The following NFATC3 variants were observed in gnomAD, a reference collection of about 807,000 sequenced individuals.
NFATC3 encodes nuclear factor of activated T cells 3.
Under a neutral mutation model 98.6 loss-of-function variants are expected in NFATC3, and 46 were observed. The ratio of observed to expected loss-of-function variants is 0.47; its 90% CI spans 0.37 to 0.60. The LOEUF (loss-of-function observed/expected upper bound fraction) is 0.60, where lower values mean the gene tolerates loss of function less well. NFATC3 is among the 20% of genes least tolerant of loss of function. The probability of loss-of-function intolerance (pLI) is 0.00; values close to 1 mark genes in which losing one functional copy is unlikely to be tolerated. For missense variants in NFATC3, 1,256 were observed against 1,295.5 expected (o/e 0.97, Z 0.47); for synonymous variants, 512 against 472.2 (o/e 1.08, Z -1.09).
chr16:68,169,271 TATTA>T (rs895952667), intron 5 of NFATC3, among the ~76,000 whole-genome samples: 6 of 152,180 alleles, frequency 3.9e-5, no homozygotes, highest in Non-Finnish European at 7.3e-5. Context: ...AAAGTAAAGT[TATTA>T]ATTCATTTAT....
chr16:68,220,570 T>G (rs892823898), intron 9 of NFATC3, among the ~76,000 whole-genome samples: 1 of 151,488 alleles, frequency 6.6e-6, no homozygotes, highest in South Asian at 2.1e-4. Flanking sequence ...CCTCACATAC[T>G]TAGTGGACTA....
chr16:68,129,938 A>G (rs970751533), intron 3 of NFATC3, among the ~76,000 whole-genome samples: 1 of 151,914 alleles, frequency 6.6e-6, no homozygotes, highest in African/African-American at 2.4e-5. Context: ...TTGGCCTCCC[A>G]AAGTACTGGG....
intron 9 of NFATC3, among the ~76,000 whole-genome samples, chr16:68,213,144 A>T (rs1483478783): frequency 6.7e-6 from 1 of 149,064 alleles, no homozygotes; most frequent in African/African-American, 2.5e-5. Context: ...GGCCGGGTGC[A>T]GTGGCTCACG....
At chr16:68,110,821 T>G (rs1311945383) in intron 1 of NFATC3, among the ~76,000 whole-genome samples, 1 of 152,166 alleles carries the variant, frequency 6.6e-6, no homozygotes, top group African/African-American at 2.4e-5. Context: ...TAACACTGCT[T>G]TAGCTATATC....
At chr16:68,173,909 G>T (rs2151611588) in intron 5 of NFATC3, among the ~76,000 whole-genome samples, 1 of 152,258 alleles carries the variant, frequency 6.6e-6, no homozygotes, top group Non-Finnish European at 1.5e-5. Context: ...AGCACTTTGG[G>T]AGGCCAAGGC....
chr16:68,101,614 G>T (rs2035366524), intron 1 of NFATC3, among the ~76,000 whole-genome samples: 5 of 151,844 alleles, frequency 3.3e-5, no homozygotes, highest in Admixed American at 3.3e-4. Flanking sequence ...CTCCCAAGTA[G>T]CTGGGACTAC....
intron 9 of NFATC3, among the ~76,000 whole-genome samples, chr16:68,198,618 A>G (rs1460876545): frequency 1.3e-5 from 2 of 152,156 alleles, no homozygotes; most frequent in Non-Finnish European, 2.9e-5. Context: ...TCTTAAGATT[A>G]TAGATTCTGG....
chr16:68,112,223 T>G (rs1281836446), intron 1 of NFATC3, among the ~76,000 whole-genome samples: 2 of 151,218 alleles, frequency 1.3e-5, no homozygotes, highest in African/African-American at 4.9e-5. Flanking sequence ...CCGACTTGGA[T>G]GCGATCTCCC....
chr16:68,149,113 T>C (rs1328269218), intron 3 of NFATC3, among the ~76,000 whole-genome samples: 1 of 152,146 alleles, frequency 6.6e-6, no homozygotes, highest in Non-Finnish European at 1.5e-5. Flanking sequence ...CTGGTGATTC[T>C]ATAGAGAGAA....
At chr16:68,180,659 C>T (rs2151624802) in intron 6 of NFATC3, among the ~76,000 whole-genome samples, 1 of 152,228 alleles carries the variant, frequency 6.6e-6, no homozygotes, top group East Asian at 1.9e-4. Flanking sequence ...CTTTCCCCCA[C>T]CCCACGACAG....
chr16:68,105,125 T>G (rs1273955033), intron 1 of NFATC3, among the ~76,000 whole-genome samples: 8 of 148,640 alleles, frequency 5.4e-5, no homozygotes, highest in Non-Finnish European at 1.2e-4. Flanking sequence ...GAGTCTCACT[T>G]TGTCACCCAG....
At chr16:68,110,515 C>T (rs1459236290) in intron 1 of NFATC3, among the ~76,000 whole-genome samples, 9 of 151,356 alleles carry the variant, frequency 5.9e-5, no homozygotes, top group East Asian at 3.9e-4. Context: ...GGGGTTTCAT[C>T]GTGTTAGCCA....
chr16:68,086,182 T>G (rs1308529157), intron 1 of NFATC3, among the ~76,000 whole-genome samples: 1 of 152,200 alleles, frequency 6.6e-6, no homozygotes, highest in Non-Finnish European at 1.5e-5. Context: ...AATTTTAGTT[T>G]GAAAGATGCT....
At position 68,228,104 on chromosome 16, in the gene NFATC3, T is replaced by C. The variant is rs756368635; in HGVS notation, c.*1633T>C. 1 of 152,144 alleles carries C rather than the reference T, an allele frequency of 6.6e-6. No individual in the cohort carries two copies. Among genetic ancestry groups the C allele is most frequent in the Non-Finnish European group, 1.5e-5 (1 of 68,034 alleles). 9.4% of individuals were successfully genotyped at this position (152,144 alleles called of 1,614,324 possible). On this transcript the variant is annotated 3_prime_UTR_variant, in exon 10 of 10. Transcript: ENST00000346183. ...CACCTGTTGTCAGTAGGTTAGGAGC[T>C]GTTGACTCAGGATGAGGAAGTATGG...
chr16:68,199,368 C>G (rs1311352428), intron 9 of NFATC3, among the ~76,000 whole-genome samples: 1 of 148,796 alleles, frequency 6.7e-6, no homozygotes, highest in Non-Finnish European at 1.5e-5. Context: ...GGACTACAGG[C>G]GCCCGCCACC....
intron 9 of NFATC3, among the ~76,000 whole-genome samples, chr16:68,213,966 C>T (rs2041527057): frequency 6.6e-6 from 1 of 151,938 alleles, no homozygotes; most frequent in South Asian, 2.1e-4. Flanking sequence ...TTATCAGTTG[C>T]CCAGATAATT....
At chr16:68,112,986 G>A (rs1053442337) in intron 1 of NFATC3, among the ~76,000 whole-genome samples, 9 of 152,114 alleles carry the variant, frequency 5.9e-5, no homozygotes, top group Non-Finnish European at 1.3e-4. Context: ...AACAGCTCCT[G>A]TAATGTTTTA....
At chr16:68,117,985 A>G (rs1185020583) in intron 1 of NFATC3, among the ~76,000 whole-genome samples, 1 of 152,196 alleles carries the variant, frequency 6.6e-6, no homozygotes, top group Non-Finnish European at 1.5e-5. Flanking sequence ...AATAAAATCC[A>G]AAGCCCTTAC....
At chr16:68,135,148 C>G (rs2037322099) in intron 3 of NFATC3, among the ~76,000 whole-genome samples, 1 of 151,768 alleles carries the variant, frequency 6.6e-6, no homozygotes, top group South Asian at 2.1e-4. Flanking sequence ...GAAATAGATG[C>G]AATTTAATCT....
Sources: allele counts gnomAD v4.1 joint callset (sites outside exome capture counted in the v4.1 genomes callset), GRCh38; gene constraint gnomAD v4.1.1; transcripts MANE v1.5; gene names NCBI Gene and HGNC (gene_info 2026-07-23, HGNC 2026-07-21).